BMAL1: variants seen among roughly 807,000 people sequenced by gnomAD.
The protein encoded by BMAL1 is basic helix-loop-helix ARNT like 1, also known as basic helix-loop-helix ARNT-like protein 1.
chr11:13,356,375 TGG>T, the BMAL1 span: 5 of 500,008 alleles, frequency 1.0e-5, no homozygotes, highest in Non-Finnish European at 1.9e-5. Flanking sequence ...TCCAGAATGA[TGG>T]GGGGGGAGAA....
At chr11:13,349,766 G>A in the BMAL1 span, among the ~76,000 whole-genome samples, 1 of 152,160 alleles carries the variant, frequency 6.6e-6, no homozygotes, top group Non-Finnish European at 1.5e-5. Context: ...CTGAAGGACG[G>A]CCAGGCAGCA....
chr11:13,325,335 A>G, the BMAL1 span, among the ~76,000 whole-genome samples: 7 of 152,218 alleles, frequency 4.6e-5, no homozygotes, highest in African/African-American at 1.2e-4. Context: ...AGATGGATCC[A>G]TTGATCTTTG....
the BMAL1 span, chr11:13,354,215 AC>A: frequency 1.8e-6 from 2 of 1,104,422 alleles, no homozygotes; most frequent in South Asian, 1.5e-5. Context: ...CCACCACCAA[AC>A]CCCCAAGCAC....
At chr11:13,293,412 G>T in the BMAL1 span, among the ~76,000 whole-genome samples, 1 of 152,224 alleles carries the variant, frequency 6.6e-6, no homozygotes, top group Non-Finnish European at 1.5e-5. Context: ...GGCAATAACA[G>T]TGATGGCCTT....
At chr11:13,338,327 G>A in the BMAL1 span, among the ~76,000 whole-genome samples, 1 of 152,174 alleles carries the variant, frequency 6.6e-6, no homozygotes, top group Non-Finnish European at 1.5e-5. Flanking sequence ...TTTAGATCTA[G>A]GGCTGGGAAG....
chr11:13,333,908 C>T, the BMAL1 span, among the ~76,000 whole-genome samples: 2 of 152,188 alleles, frequency 1.3e-5, no homozygotes, highest in Non-Finnish European at 2.9e-5. Context: ...TCCCTCTCCA[C>T]CCACTCTATC....
At chr11:13,355,284 C>A in the BMAL1 span, 6 of 1,613,846 alleles carry the variant, frequency 3.7e-6, no homozygotes, top group Non-Finnish European at 5.1e-6. Flanking sequence ...CTAGGAGATG[C>A]TATGATTAAT....
At chr11:13,319,789 C>T in the BMAL1 span, among the ~76,000 whole-genome samples, 776 of 152,324 alleles carry the variant, frequency 5.1e-3, 2 homozygotes, top group Non-Finnish European at 7.6e-3. Context: ...GCTGGCTTGT[C>T]TTTCCCACCA....
chr11:13,378,356 C>A, the BMAL1 span: 4 of 1,611,928 alleles, frequency 2.5e-6, no homozygotes, highest in Admixed American at 6.7e-5. Flanking sequence ...AGAGGACCCA[C>A]CCCACTGTTC....
chr11:13,316,431 T>C, the BMAL1 span, among the ~76,000 whole-genome samples: 1 of 152,224 alleles, frequency 6.6e-6, no homozygotes, highest in Admixed American at 6.5e-5. Context: ...CTTTGAATAG[T>C]AGATACATCA....
At chr11:13,365,607 C>T in the BMAL1 span, 4 of 1,607,702 alleles carry the variant, frequency 2.5e-6, no homozygotes, top group South Asian at 1.1e-5. Context: ...TGTTCATGCT[C>T]CTGTTGATGG....
At chr11:13,370,922 C>T in the BMAL1 span, among the ~76,000 whole-genome samples, 86 of 152,336 alleles carry the variant, frequency 5.6e-4, 1 homozygote, top group African/African-American at 1.7e-3. Context: ...CACATGCTGT[C>T]GCTTCCTGGT....
chr11:13,362,572 A>G, the BMAL1 span, among the ~76,000 whole-genome samples: 1 of 152,126 alleles, frequency 6.6e-6, no homozygotes, highest in African/African-American at 2.4e-5. Flanking sequence ...CAAATCAATG[A>G]TAAACACTTT....
At chr11:13,330,582 C>T in the BMAL1 span, among the ~76,000 whole-genome samples, 1 of 152,238 alleles carries the variant, frequency 6.6e-6, no homozygotes, top group Non-Finnish European at 1.5e-5. Flanking sequence ...TATATGACTC[C>T]TGTTCTCCAT....
At chr11:13,306,310 G>A in the BMAL1 span, among the ~76,000 whole-genome samples, 1 of 152,120 alleles carries the variant, frequency 6.6e-6, no homozygotes, top group Non-Finnish European at 1.5e-5. Flanking sequence ...GTCCAGGCAG[G>A]AGGTCCTGAA....
chr11:13,311,275 G>A, the BMAL1 span, among the ~76,000 whole-genome samples: 36 of 152,180 alleles, frequency 2.4e-4, no homozygotes, highest in Admixed American at 2.2e-3. Context: ...GATTAAACAC[G>A]GTCTCCCCAA....
chr11:13,285,104 A>G, the BMAL1 span, among the ~76,000 whole-genome samples: 1 of 151,998 alleles, frequency 6.6e-6, no homozygotes, highest in Non-Finnish European at 1.5e-5. Context: ...CTCTGATAAC[A>G]TTTGTTCCCT....
At chr11:13,323,086 T>G in the BMAL1 span, among the ~76,000 whole-genome samples, 1 of 151,700 alleles carries the variant, frequency 6.6e-6, no homozygotes, top group Non-Finnish European at 1.5e-5. Flanking sequence ...CATGAGCCAC[T>G]GCACCCAGCC....
the BMAL1 span, chr11:13,360,363 C>T: frequency 1.9e-6 from 3 of 1,613,824 alleles, no homozygotes; most frequent in Admixed American, 3.3e-5. Context: ...AATCCATACA[C>T]AGAAGCAAAC....
Sources: gnomAD v4.1 joint callset for allele counts (sites outside exome capture counted in the v4.1 genomes callset) on GRCh38, gnomAD v4.1.1 for gene constraint, MANE v1.5 for transcripts, NCBI Gene and HGNC (gene_info 2026-07-23, HGNC 2026-07-21) for gene names.